Variants in SCARA5 observed in about 807,000 individuals in gnomAD.
The protein encoded by SCARA5 is scavenger receptor class A member 5.
SCARA5 carries 45 observed loss-of-function variants against 46.3 expected under a neutral mutation model. The ratio of observed to expected loss-of-function variants is 0.97; its 90% CI spans 0.76 to 1.24. The LOEUF (loss-of-function observed/expected upper bound fraction) is 1.24. SCARA5 is among the 50% of genes most tolerant of loss of function. The pLI is 0.00. For missense variants in SCARA5, 680 were observed against 689.0 expected (o/e 0.99, Z 0.15); for synonymous variants, 333 against 306.5 (o/e 1.09, Z -0.90).
intron 4 of SCARA5, among the ~76,000 whole-genome samples, chr8:27,915,670 T>C (rs1807449924): frequency 6.6e-6 from 1 of 152,260 alleles, no homozygotes. Context: ...CAGACAAATC[T>C]GCTTTGCGAA....
At chr8:27,908,837 T>C (rs1422258864) in intron 5 of SCARA5, among the ~76,000 whole-genome samples, 1 of 152,202 alleles carries the variant, frequency 6.6e-6, no homozygotes, top group East Asian at 1.9e-4. Context: ...GAGTAGAGAC[T>C]GGGCTGGGAG....
intron 2 of SCARA5, among the ~76,000 whole-genome samples, chr8:27,975,416 G>A (rs1268678854): frequency 1.3e-5 from 2 of 152,148 alleles, no homozygotes; most frequent in African/African-American, 2.4e-5. Flanking sequence ...ATCAAACTCA[G>A]GGTGGGAGTC....
intron 7 of SCARA5, among the ~76,000 whole-genome samples, chr8:27,887,126 G>A (rs904127522): frequency 1.3e-5 from 2 of 152,188 alleles, no homozygotes; most frequent in Non-Finnish European, 2.9e-5. Flanking sequence ...ATGAGCAATG[G>A]GACCCCAGGC....
chr8:27,917,367 A>G (rs1261908952), intron 4 of SCARA5, among the ~76,000 whole-genome samples: 10 of 152,168 alleles, frequency 6.6e-5, no homozygotes, highest in African/African-American at 1.9e-4. Context: ...AGGAGATTGG[A>G]CTTAGAAATG....
chr8:27,978,019 CTTT>C (rs1585524673), intron 2 of SCARA5, among the ~76,000 whole-genome samples: 1 of 139,640 alleles, frequency 7.2e-6, no homozygotes, highest in Non-Finnish European at 1.5e-5. Context: ...TTTCTTGTGT[CTTT>C]TGTTTTTTTT....
chr8:27,966,896 G>A (rs1417064621), intron 2 of SCARA5, among the ~76,000 whole-genome samples: 5 of 152,188 alleles, frequency 3.3e-5, no homozygotes, highest in African/African-American at 9.7e-5. Context: ...GGGATCCAGG[G>A]AACATAAAGA....
In SCARA5 at chr8:27,871,789, C is replaced by T. The variant is rs556960833; in HGVS notation, c.*145G>A. On this transcript the variant is annotated 3_prime_UTR_variant, in exon 9 of 9. Coordinates refer to ENST00000354914, the MANE Select transcript of SCARA5 (RefSeq NM_173833.6). ...AGAGGGAAATGACGACCGGCCCCCA[C>T]GGTCCTGGGATGCAGGTGTGAGGAC... 24 of 1,492,828 alleles carry T rather than the reference C, an allele frequency of 1.6e-5. No individual in the cohort carries two copies. The highest frequency in any genetic ancestry group is 5.4e-5 in the South Asian group (4 of 74,392). 92.5% of individuals were successfully genotyped at this position (1,492,828 alleles called of 1,614,324 possible). A position where few individuals can be genotyped will look rare whatever the true frequency, so the allele number is the denominator to read the frequency against.
At position 27,921,899 on chromosome 8, in the gene SCARA5, C is replaced by A; in HGVS notation, c.588G>T (p.Gln196His). The A allele has an allele frequency of 6.6e-7, 1 of 1,511,466 alleles. No homozygotes were observed. The allele number at this position is 1,511,466 out of a possible 1,614,324, so 93.6% of individuals were successfully genotyped here. A position where few individuals can be genotyped will look rare whatever the true frequency, so the allele number is the denominator to read the frequency against. ...YQLQVESNSS[Q>H]LLLRRHAGLL... ...GGCCCGCGTGGCGCCTCAGCAGCAG[C>A]TGGCTACTGTTGCTCTCCACCTGCA... is the stretch of plus-strand genomic sequence containing the variant. The change falls in exon 4 of 9, where the codon CAG (glutamine) becomes CAT (histidine). Residue 196 changes from glutamine (Q) to histidine (H), a missense_variant. Physicochemically the swap from Gln to His is conservative, Grantham distance 24. Around this residue, in one of 3 missense-constraint regions of SCARA5, gnomAD observed 438 missense variants for 384.5 expected, o/e 1.14. Coordinates refer to ENST00000354914, the MANE Select transcript of SCARA5 (RefSeq NM_173833.6).
intron 3 of SCARA5, among the ~76,000 whole-genome samples, chr8:27,964,905 G>GA (rs1218157971): frequency 5.9e-5 from 9 of 152,142 alleles, no homozygotes; most frequent in African/African-American, 2.2e-4. Context: ...CTGTTGGGCT[G>GA]GAATGCTTTC....
At position 27,905,523 on chromosome 8, in the gene SCARA5, T is replaced by TGGCGGGGGGTG. The variant is rs751627046; in HGVS notation, c.1097-690_1097-689insCACCCCCCGCC. On this transcript the variant is annotated intron_variant, in intron 6 of 8. Coordinates refer to ENST00000354914, the MANE Select transcript of SCARA5 (RefSeq NM_173833.6). ...AGAATGCCCAGGATGATCCAAGATT[T>TGGCGGGGGGTG]GGGGGGGGGAAAAAAAAAAGGCAGC... 7.4e-5 allele frequency among the ~76,000 whole-genome samples: 4 copies of TGGCGGGGGGTG among 53,694 alleles called. 1 individual carries two copies. Among genetic ancestry groups the TGGCGGGGGGTG allele is most frequent in the East Asian group, 3.4e-4 (1 of 2,982 alleles). 35.2% of individuals were successfully genotyped at this position (53,694 alleles called of 152,430 possible). A position where few individuals can be genotyped will look rare whatever the true frequency, so the allele number is the denominator to read the frequency against.
chr8:27,901,889 C>G (rs1346625728), intron 7 of SCARA5, among the ~76,000 whole-genome samples: 1 of 152,208 alleles, frequency 6.6e-6, no homozygotes, highest in African/African-American at 2.4e-5. Context: ...TTTTGTTCAG[C>G]CTCAGCCCTG....
chr8:27,975,740 C>T (rs775819201), intron 2 of SCARA5, among the ~76,000 whole-genome samples: 13 of 152,040 alleles, frequency 8.6e-5, no homozygotes, highest in Non-Finnish European at 1.8e-4. Flanking sequence ...AGAGTGAACA[C>T]CAGTGACCTC....
chr8:27,902,909 T>C (rs962872075), intron 7 of SCARA5, among the ~76,000 whole-genome samples: 18 of 152,174 alleles, frequency 1.2e-4, no homozygotes, highest in African/African-American at 1.4e-4. Context: ...TTGTGGACTT[T>C]AGCACTTCAG....
intron 7 of SCARA5, among the ~76,000 whole-genome samples, chr8:27,894,852 C>T (rs1807037120): frequency 6.6e-6 from 1 of 152,214 alleles, no homozygotes. Context: ...AACAGAGAGC[C>T]TGCACGTTCC....
chr8:27,908,738 A>G (rs1318339559), intron 5 of SCARA5, among the ~76,000 whole-genome samples: 5 of 152,072 alleles, frequency 3.3e-5, no homozygotes. Context: ...ATGATTCGCT[A>G]GGGCAGAAAA....
chr8:27,902,460 C>T (rs1807171776), intron 7 of SCARA5, among the ~76,000 whole-genome samples: 1 of 152,322 alleles, frequency 6.6e-6, no homozygotes, highest in Non-Finnish European at 1.5e-5. Flanking sequence ...TGAATAGAGA[C>T]CACGCATCCT....
intron 4 of SCARA5, 43 bp from the exon 5 acceptor site, chr8:27,909,786 T>C (rs932885912): frequency 4.3e-6 from 6 of 1,386,236 alleles, no homozygotes; most frequent in African/African-American, 1.4e-5. Context: ...GGCTCCCTTC[T>C]GAAACAGGAC....
intron 2 of SCARA5, among the ~76,000 whole-genome samples, chr8:27,977,694 T>C (rs1808547462): frequency 6.6e-6 from 1 of 152,208 alleles, no homozygotes; most frequent in African/African-American, 2.4e-5. Flanking sequence ...CACCTCCCGG[T>C]TAAGAGCCAC....
At chr8:27,895,208 G>C (rs1191815395) in intron 7 of SCARA5, among the ~76,000 whole-genome samples, 2 of 152,174 alleles carry the variant, frequency 1.3e-5, no homozygotes, top group African/African-American at 4.8e-5. Flanking sequence ...CTGCAGAGTA[G>C]AGCCCTAGGG....
Sources: gnomAD v4.1 joint callset for allele counts (sites outside exome capture counted in the v4.1 genomes callset) on GRCh38, gnomAD v4.1.1 for gene constraint, gnomAD v4.1.1 regional missense constraint, MANE v1.5 for transcripts, NCBI Gene and HGNC (gene_info 2026-07-23, HGNC 2026-07-21) for gene names.